Variants in NQO2 observed in about 807,000 individuals in gnomAD.
NQO2 encodes the protein N-ribosyldihydronicotinamide:quinone dehydrogenase 2.
In NQO2, 18 loss-of-function variants were observed where a neutral mutation model predicts 22.0. The ratio of observed to expected loss-of-function variants is 0.82; its 90% CI spans 0.56 to 1.21. The LOEUF (loss-of-function observed/expected upper bound fraction) is 1.21. Among genes scored for constraint, NQO2 ranks in the 50% most tolerant of loss-of-function variants. The pLI, the probability that NQO2 is intolerant of heterozygous loss-of-function variation, is 0.00. For missense variants in NQO2, 267 were observed against 286.9 expected, an observed-to-expected ratio of 0.93 and a Z score of 0.50; for synonymous variants, 106 against 110.8, an observed-to-expected ratio of 0.96 and a Z score of 0.28.
chr6:3,009,862 C>G (rs921650311), intron 2 of NQO2, 163 bp from the exon 3 acceptor site: 1 of 911,846 alleles, frequency 1.1e-6, no homozygotes, highest in Admixed American at 6.2e-5. Context: ...GTGAGACTGT[C>G]TAAAAAGAAG....
chr6:3,016,921 C>A lies in NQO2; in HGVS notation c.455C>A (p.Thr152Lys). 4 of 1,613,964 alleles carry A rather than the reference C, an allele frequency of 2.5e-6. No individual in the cohort carries two copies. The highest frequency in any genetic ancestry group is 3.4e-6 in the Non-Finnish European group (4 of 1,180,014). The change falls in exon 6 of 7, where the codon ACG (threonine) becomes AAG (lysine). Residue 152 changes from threonine (T) to lysine (K), a missense_variant. Thr to Lys is a moderately conservative substitution (Grantham distance 78). Coordinates refer to ENST00000380455, the MANE Select transcript of NQO2 (RefSeq NM_000904.6). ...CTCCTTTCCGTAACCACGGGAGGCACGGCCGAGATGTACACGAAGACAGGA... is the reference window on the plus strand; with the variant it reads ...CTCCTTTCCGTAACCACGGGAGGCAAGGCCGAGATGTACACGAAGACAGGA... ...LALLSVTTGG[T>K]AEMYTKTGVN...
intron 2 of NQO2, among the ~76,000 whole-genome samples, chr6:3,009,131 A>G (rs1757058475): frequency 6.6e-6 from 1 of 152,152 alleles, no homozygotes; most frequent in Non-Finnish European, 1.5e-5. Flanking sequence ...GGCTTATTTC[A>G]TCCCTACAGC....
At position 3,010,029 on chromosome 6, in the gene NQO2, G is replaced by C. The variant is rs1032940688; in HGVS notation, c.12G>C (p.Lys4Asn). 8.7e-6 allele frequency: 14 copies of C among 1,611,102 alleles called. 1 individual carries two copies. In the African/African-American group the frequency reaches 1.9e-4, roughly 22 times the overall value. Reference sequence around the variant, plus strand: ...CTGTTTCTTATCCTGATTTAGGTAAGAAAGTACTCATTGTCTATGCACACC... The same window carrying C: ...CTGTTTCTTATCCTGATTTAGGTAACAAAGTACTCATTGTCTATGCACACC... MAG[K>N]KVLIVYAHQE... Residue 4 changes from lysine (K) to asparagine (N), a missense_variant, in exon 3 of 7, where the codon AAG becomes AAC. Transcript: ENST00000380455.
At chr6:3,018,032 AT>A (rs1430258211) in intron 6 of NQO2, among the ~76,000 whole-genome samples, 1 of 152,196 alleles carries the variant, frequency 6.6e-6, no homozygotes, top group African/African-American at 2.4e-5. Flanking sequence ...GACTAAGTTC[AT>A]TCCTTGCTTT....
At chr6:3,001,416 G>GA (rs1339375937) in intron 1 of NQO2, among the ~76,000 whole-genome samples, 1 of 152,042 alleles carries the variant, frequency 6.6e-6, no homozygotes, top group Non-Finnish European at 1.5e-5. Context: ...TTTAATCTCT[G>GA]AAAAAATAAA....
In NQO2 at chr6:3,016,953, G is replaced by A; in HGVS notation, c.487G>A (p.Gly163Arg). The A allele has an allele frequency of 1.2e-6, 2 of 1,614,070 alleles. No homozygotes were observed. The highest frequency in any genetic ancestry group is 1.7e-6 in the Non-Finnish European group (2 of 1,180,030). The change falls in exon 6 of 7, where the codon GGA (glycine) becomes AGA (arginine). Residue 163 changes from glycine (G) to arginine (R), a missense_variant. Coordinates refer to ENST00000380455, the MANE Select transcript of NQO2 (RefSeq NM_000904.6). Reference protein sequence around the residue: ...AEMYTKTGVNGDSRYFLWPLQ... With the variant: ...AEMYTKTGVNRDSRYFLWPLQ... The stretch of plus-strand genomic sequence containing the variant: ...GATGTACACGAAGACAGGAGTCAAT[G>A]GAGATTCTCGATACTTCCTGTGGCC...
chr6:3,015,341 T>C (rs1179567270), intron 4 of NQO2, 189 bp from the exon 5 acceptor site: 3 of 985,272 alleles, frequency 3.0e-6, no homozygotes, highest in African/African-American at 1.7e-5. Context: ...ACAAGGACCA[T>C]TGTCAACTCC....
At chr6:3,017,883 G>A (rs933887109) in intron 6 of NQO2, among the ~76,000 whole-genome samples, 2 of 152,142 alleles carry the variant, frequency 1.3e-5, no homozygotes, top group Admixed American at 6.5e-5. Context: ...CTCTCTAGGT[G>A]CACGTGCCTT....
chr6:3,010,374 G>A (rs1757102638), intron 3 of NQO2, among the ~76,000 whole-genome samples, 185 bp downstream of exon 3: 1 of 151,800 alleles, frequency 6.6e-6, no homozygotes, highest in Admixed American at 6.6e-5. Flanking sequence ...AGATGAAATA[G>A]TTCCCAAGAC....
chr6:3,018,996 T>C (rs1278875756), intron 6 of NQO2, among the ~76,000 whole-genome samples: 1 of 152,162 alleles, frequency 6.6e-6, no homozygotes, highest in South Asian at 2.1e-4. Context: ...CTCACATACA[T>C]AATTTTTATT....
At chr6:3,003,883 T>C (rs2113432048) in intron 1 of NQO2, 1 of 153,044 alleles carries the variant, frequency 6.5e-6, no homozygotes, top group Middle Eastern at 3.2e-3. Flanking sequence ...TGTTTCTGCA[T>C]GGAAAATACA....
At chr6:3,007,659 C>T (rs1186916552) in intron 2 of NQO2, among the ~76,000 whole-genome samples, 1 of 152,236 alleles carries the variant, frequency 6.6e-6, no homozygotes, top group Non-Finnish European at 1.5e-5. Flanking sequence ...GAAAATACTG[C>T]TTCAGAAGCC....
rs182502007 is a variant in NQO2, at chr6:3,006,650, A to G, written c.7+91A>G. The G allele has an allele frequency of 1.8e-3, 2,423 of 1,327,700 alleles. 2 individuals are homozygous for G. Among genetic ancestry groups the G allele is most frequent in the Non-Finnish European group, 2.3e-3 (2,254 of 984,090 alleles). The allele number at this position is 1,327,700 out of a possible 1,614,324, so 82.2% of individuals were successfully genotyped here. On this transcript the variant is annotated intron_variant, in intron 2 of 6. Transcript: ENST00000380455. This position sits in a 1 kb window ranked among gnomAD's most constrained non-coding sequence, Gnocchi z 4.0. Reference sequence around the variant, plus strand: ...AGGCTGGTCTCAAACTCCTGAGCTCAAGTGACCCTCCCACATTGACCTTCC... The same window carrying G: ...AGGCTGGTCTCAAACTCCTGAGCTCGAGTGACCCTCCCACATTGACCTTCC...
At chr6:3,005,697 G>T in intron 1 of NQO2, 2 of 985,358 alleles carry the variant, frequency 2.0e-6, no homozygotes, top group Non-Finnish European at 2.4e-6. Flanking sequence ...TTCAGAGATG[G>T]CCAGGAGGGG....
chr6:3,013,250 C>T (rs1173208837), intron 4 of NQO2, among the ~76,000 whole-genome samples: 6 of 152,188 alleles, frequency 3.9e-5, no homozygotes, highest in Non-Finnish European at 7.4e-5. Context: ...CCACCGCGCC[C>T]GGCCGATGTA....
At chr6:3,017,650 A>G (rs1757381534) in intron 6 of NQO2, among the ~76,000 whole-genome samples, 2 of 152,158 alleles carry the variant, frequency 1.3e-5, no homozygotes, top group African/African-American at 4.8e-5. Flanking sequence ...GAGCAGTTCC[A>G]ACGTGCTGGG....
At position 3,000,852 on chromosome 6, in the gene NQO2, C is replaced by CA. The variant is rs1554106900; in HGVS notation, c.-86+767_-86+768insA. Among the ~76,000 whole-genome samples, 5 of 143,560 alleles carry CA rather than the reference C, an allele frequency of 3.5e-5. No individual in the cohort carries two copies. The East Asian group carries it at 1.1e-3, about 30-fold the overall frequency. The allele number at this position is 143,560 out of a possible 152,430, so 94.2% of individuals were successfully genotyped here. On this transcript the variant is annotated intron_variant, in intron 1 of 6. Coordinates refer to ENST00000380455, the MANE Select transcript of NQO2 (RefSeq NM_000904.6). The stretch of plus-strand genomic sequence containing the variant: ...GCTCCCGGCCCTCTTTTTCTTTTTT[C>CA]TTTTTTTTTTAGAAGAGTCTCACTC...
intron 1 of NQO2, among the ~76,000 whole-genome samples, chr6:3,001,631 CTG>C (rs1756728853): frequency 6.6e-6 from 1 of 152,298 alleles, no homozygotes; most frequent in African/African-American, 2.4e-5. Flanking sequence ...ACTGAATACA[CTG>C]TGAGATGTTG....
At chr6:3,014,898 G>C (rs948467667) in intron 4 of NQO2, among the ~76,000 whole-genome samples, 11 of 152,208 alleles carry the variant, frequency 7.2e-5, no homozygotes, top group Non-Finnish European at 1.5e-4. Flanking sequence ...GCAGGTCGTG[G>C]AGCTTGGGTT....
Sources: gnomAD v4.1 joint callset for allele counts (sites outside exome capture counted in the v4.1 genomes callset) on GRCh38, gnomAD v4.1.1 for gene constraint, Gnocchi (gnomAD v3.1) non-coding constraint, MANE v1.5 for transcripts, NCBI Gene and HGNC (gene_info 2026-07-23, HGNC 2026-07-21) for gene names.